Variants in MMP16 observed in about 807,000 individuals in gnomAD.
MMP16 encodes the protein matrix metalloproteinase-16.
MMP16 carries 12 observed loss-of-function variants against 67.8 expected under a neutral mutation model. That is an observed-to-expected ratio of 0.18 (90% CI 0.11 to 0.29). MMP16 has a LOEUF of 0.29. Ranked by LOEUF, MMP16 falls within the 10% of genes least tolerant of loss-of-function variation. The probability of loss-of-function intolerance (pLI) is 1.00; values close to 1 mark genes in which losing one functional copy is unlikely to be tolerated. For synonymous variants in MMP16, 249 were observed against 255.9 expected (o/e 0.97, Z 0.26); for missense variants, 475 against 765.7 (o/e 0.62, Z 4.48).
At chr8:88,066,611 C>G (rs1350037392) in intron 7 of MMP16, among the ~76,000 whole-genome samples, 1 of 151,628 alleles carries the variant, frequency 6.6e-6, no homozygotes, top group Non-Finnish European at 1.5e-5. Context: ...GTAAGAAAGC[C>G]CTGTGGGTTT....
intron 1 of MMP16, among the ~76,000 whole-genome samples, chr8:88,232,284 A>G (rs1445024488): frequency 6.6e-6 from 1 of 152,184 alleles, no homozygotes; most frequent in Non-Finnish European, 1.5e-5. Context: ...ACAATACACT[A>G]CATAGAAAAT....
chr8:88,247,087 A>T (rs1315089962), intron 1 of MMP16, among the ~76,000 whole-genome samples: 1 of 152,154 alleles, frequency 6.6e-6, no homozygotes, highest in East Asian at 1.9e-4. Context: ...AATAAAGATA[A>T]CCAATAGCTC....
chr8:88,177,955 A>G (rs532337378), intron 3 of MMP16, among the ~76,000 whole-genome samples: 1 of 152,128 alleles, frequency 6.6e-6, no homozygotes, highest in Admixed American at 6.5e-5. Flanking sequence ...GTTTAAAGAC[A>G]TGGTATGTAT....
intron 1 of MMP16, among the ~76,000 whole-genome samples, chr8:88,241,684 T>A (rs1810036398): frequency 6.6e-6 from 1 of 152,128 alleles, no homozygotes; most frequent in African/African-American, 2.4e-5. Context: ...TTATCTCATG[T>A]ACTTATCACT....
At chr8:88,055,806 A>G (rs1170326550) in intron 8 of MMP16, among the ~76,000 whole-genome samples, 1 of 152,234 alleles carries the variant, frequency 6.6e-6, no homozygotes, top group Admixed American at 6.5e-5. Context: ...AAACAAAGTA[A>G]GTAAAATTCC....
At chr8:88,217,898 T>C (rs941342159) in intron 1 of MMP16, among the ~76,000 whole-genome samples, 4 of 152,186 alleles carry the variant, frequency 2.6e-5, no homozygotes, top group African/African-American at 9.6e-5. Flanking sequence ...AAGTAATGCA[T>C]ATGTCTGTGT....
intron 1 of MMP16, among the ~76,000 whole-genome samples, chr8:88,315,918 T>C (rs1476092104): frequency 6.6e-6 from 1 of 152,192 alleles, no homozygotes; most frequent in Non-Finnish European, 1.5e-5. Context: ...TTAAAAGTGA[T>C]ACTCCAGTGA....
chr8:88,232,621 A>C (rs1809879909), intron 1 of MMP16, among the ~76,000 whole-genome samples: 1 of 152,172 alleles, frequency 6.6e-6, no homozygotes, highest in Non-Finnish European at 1.5e-5. Context: ...TAAGAGAAGC[A>C]CTCAAGTCCT....
At chr8:88,149,126 C>G (rs1047410905) in intron 4 of MMP16, among the ~76,000 whole-genome samples, 2 of 152,202 alleles carry the variant, frequency 1.3e-5, no homozygotes, top group African/African-American at 4.8e-5. Context: ...TCGGGTCACT[C>G]CCACCCGAAT....
intron 1 of MMP16, among the ~76,000 whole-genome samples, chr8:88,301,420 C>T (rs1168891177): frequency 2.0e-5 from 3 of 152,116 alleles, no homozygotes; most frequent in Non-Finnish European, 2.9e-5. Context: ...TAGCTATTTT[C>T]TTTTAATATC....
intron 1 of MMP16, among the ~76,000 whole-genome samples, chr8:88,286,028 C>T (rs904299033): frequency 1.3e-5 from 2 of 152,150 alleles, no homozygotes; most frequent in African/African-American, 4.8e-5. Flanking sequence ...TATCATTCTT[C>T]CAAATGATTT....
At chr8:88,163,840 G>T (rs1051074701) in intron 4 of MMP16, among the ~76,000 whole-genome samples, 1 of 151,908 alleles carries the variant, frequency 6.6e-6, no homozygotes, top group Admixed American at 6.6e-5. Context: ...GAATTAATTT[G>T]CATGTTTTAA....
intron 3 of MMP16, among the ~76,000 whole-genome samples, chr8:88,173,791 G>C (rs1227547482): frequency 1.3e-5 from 2 of 152,184 alleles, no homozygotes; most frequent in Non-Finnish European, 2.9e-5. Context: ...AAAATAGAAA[G>C]TGAATATGGA....
chr8:88,131,918 C>A (rs191708817), intron 4 of MMP16, among the ~76,000 whole-genome samples: 194 of 151,980 alleles, frequency 1.3e-3, no homozygotes, highest in Middle Eastern at 6.8e-3. Context: ...AAGGTTAACA[C>A]ATGAGAATTG....
At chr8:88,231,280 G>C (rs1034084480) in intron 1 of MMP16, among the ~76,000 whole-genome samples, 1 of 152,166 alleles carries the variant, frequency 6.6e-6, no homozygotes, top group Middle Eastern at 3.4e-3. Flanking sequence ...AAAACTGAGC[G>C]GTTCTAGATA....
At chr8:88,256,945 T>G (rs772306293) in intron 1 of MMP16, among the ~76,000 whole-genome samples, 30 of 152,210 alleles carry the variant, frequency 2.0e-4, no homozygotes, top group Non-Finnish European at 3.7e-4. Context: ...AGATTCATTA[T>G]AATTCTGTCA....
chr8:88,276,251 A>T (rs1810647187), intron 1 of MMP16, among the ~76,000 whole-genome samples: 1 of 152,104 alleles, frequency 6.6e-6, no homozygotes, highest in African/African-American at 2.4e-5. Flanking sequence ...ACATTGCAAA[A>T]AATATGTAGC....
At chr8:88,297,610 T>C (rs1390471865) in intron 1 of MMP16, among the ~76,000 whole-genome samples, 2 of 152,184 alleles carry the variant, frequency 1.3e-5, no homozygotes, top group Non-Finnish European at 1.5e-5. Flanking sequence ...TGGGGGCTGA[T>C]TCTCAGCCAG....
intron 1 of MMP16, among the ~76,000 whole-genome samples, chr8:88,248,757 A>C (rs1259260853): frequency 6.6e-6 from 1 of 151,296 alleles, no homozygotes; most frequent in East Asian, 2.0e-4. Context: ...GGCTGGTGAG[A>C]AGAATCTCAC....
Sources: gnomAD v4.1 joint callset for allele counts (sites outside exome capture counted in the v4.1 genomes callset) on GRCh38, gnomAD v4.1.1 for gene constraint, MANE v1.5 for transcripts, NCBI Gene and HGNC (gene_info 2026-07-23, HGNC 2026-07-21) for gene names.